Variants in PRICKLE1 observed in about 807,000 individuals in gnomAD.
PRICKLE1 encodes the protein prickle-like protein 1.
In PRICKLE1, 14 loss-of-function variants were observed where a neutral mutation model predicts 70.2. That is an observed-to-expected ratio of 0.20 (90% CI 0.13 to 0.31). The LOEUF is 0.31. Among genes scored for constraint, PRICKLE1 ranks in the 10% least tolerant of loss-of-function variants. The pLI is 1.00. For synonymous variants in PRICKLE1, 357 were observed against 379.9 expected (o/e 0.94, Z 0.70); for missense variants, 821 against 1,026.2 (o/e 0.80, Z 2.73).
At chr12:42,560,227 C>T (rs1309325664) in intron 1 of PRICKLE1, among the ~76,000 whole-genome samples, 4 of 151,504 alleles carry the variant, frequency 2.6e-5, no homozygotes, top group Non-Finnish European at 5.9e-5. Context: ...ACCTCCATCT[C>T]TCAGGTTCAA....
intron 1 of PRICKLE1, among the ~76,000 whole-genome samples, chr12:42,489,173 T>G (rs1939044379): frequency 6.6e-6 from 1 of 151,412 alleles, no homozygotes. Context: ...TCTGCCCACC[T>G]CGGCCTCCCA....
chr12:42,583,159 G>A (rs1940931410), intron 1 of PRICKLE1, among the ~76,000 whole-genome samples: 2 of 151,908 alleles, frequency 1.3e-5, no homozygotes, highest in Non-Finnish European at 2.9e-5. Context: ...GTGTGTGTGT[G>A]TGTGTGTGTG....
rs756303597 is a variant in PRICKLE1, at chr12:42,458,950, T to C, written c.*859A>G. 94 of 253,918 alleles carry C rather than the reference T, an allele frequency of 3.7e-4. 1 individual carries two copies. The highest frequency in any genetic ancestry group is 2.9e-3 in the Middle Eastern group (2 of 678). The allele number at this position is 253,918 out of a possible 1,614,324, so 15.7% of individuals were successfully genotyped here. On this transcript the variant is annotated 3_prime_UTR_variant, in exon 8 of 8. Transcript: ENST00000345127. ...AGTACTTACATAGCCCCACCATGCA[T>C]ACAGAGCCTTTTTTAATATTGGAAA... is the stretch of plus-strand genomic sequence containing the variant.
intron 1 of PRICKLE1, among the ~76,000 whole-genome samples, chr12:42,588,519 T>A (rs1941020713): frequency 6.6e-6 from 1 of 152,098 alleles, no homozygotes; most frequent in African/African-American, 2.4e-5. Flanking sequence ...TGGTGCTTTT[T>A]TTTTTTCCTT....
intron 1 of PRICKLE1, among the ~76,000 whole-genome samples, chr12:42,571,272 T>C (rs1271827852): frequency 6.6e-6 from 1 of 152,188 alleles, no homozygotes; most frequent in African/African-American, 2.4e-5. Flanking sequence ...TGGACTGCTG[T>C]ATATCATAGA....
At chr12:42,582,819 C>T (rs1566136097) in intron 1 of PRICKLE1, among the ~76,000 whole-genome samples, 2 of 151,568 alleles carry the variant, frequency 1.3e-5, no homozygotes, top group Non-Finnish European at 2.9e-5. Flanking sequence ...TGTGTGATTT[C>T]TTTTTTTTAT....
At chr12:42,528,842 G>T (rs140494346) in intron 1 of PRICKLE1, among the ~76,000 whole-genome samples, 288 of 152,202 alleles carry the variant, frequency 1.9e-3, no homozygotes, top group African/African-American at 6.6e-3. Flanking sequence ...ACATGTAAAT[G>T]AACTGTACCA....
chr12:42,583,434 T>G (rs1940936613), intron 1 of PRICKLE1, among the ~76,000 whole-genome samples: 1 of 152,156 alleles, frequency 6.6e-6, no homozygotes, highest in Admixed American at 6.5e-5. Context: ...TAAAGGGGAT[T>G]TAAGGGAAAA....
intron 1 of PRICKLE1, among the ~76,000 whole-genome samples, chr12:42,543,586 G>C (rs944566677): frequency 6.6e-6 from 1 of 151,994 alleles, no homozygotes; most frequent in African/African-American, 2.4e-5. Flanking sequence ...GCAGTGGCGC[G>C]ATCTTGGCTC....
intron 1 of PRICKLE1, among the ~76,000 whole-genome samples, chr12:42,580,061 G>A (rs780682541): frequency 2.0e-5 from 3 of 151,836 alleles, no homozygotes; most frequent in Non-Finnish European, 4.4e-5. Context: ...TTTTAGTAGA[G>A]GCAGGGTTTC....
At position 42,465,194 on chromosome 12, in the gene PRICKLE1, A is replaced by G; in HGVS notation, c.840T>C (p.Ser280=). 3 of 1,611,198 alleles carry G rather than the reference A, an allele frequency of 1.9e-6. No individual in the cohort carries two copies. ...QHWHATEACF[S]CAQCKASLLG... ...ACAAAGAGGCTTTACACTGGGCACA[A>G]GAAAAGCAGGCTTCCGTGGCGTGCC... The change falls in exon 7 of 8, where the codon TCT becomes TCC. Residue 280 remains serine (S), a synonymous_variant. Coordinates refer to ENST00000345127, the MANE Select transcript of PRICKLE1 (RefSeq NM_153026.3).
At chr12:42,532,694 G>A (rs1230898602) in intron 1 of PRICKLE1, among the ~76,000 whole-genome samples, 3 of 151,966 alleles carry the variant, frequency 2.0e-5, no homozygotes, top group African/African-American at 4.8e-5. Context: ...TCAGGAGATC[G>A]AGACCATCCT....
chr12:42,539,125 C>A (rs544178242), intron 1 of PRICKLE1, among the ~76,000 whole-genome samples: 2 of 152,078 alleles, frequency 1.3e-5, no homozygotes, highest in African/African-American at 4.8e-5. Flanking sequence ...AAAACTTGAA[C>A]GTCAAAGTTC....
chr12:42,488,889 C>G (rs114358212), intron 1 of PRICKLE1, among the ~76,000 whole-genome samples: 5,429 of 148,944 alleles, frequency 0.036, 340 homozygotes, highest in African/African-American at 0.13. Context: ...TATATTTTCA[C>G]ATTATATGTA....
intron 1 of PRICKLE1, among the ~76,000 whole-genome samples, chr12:42,568,191 T>G (rs1745197278): frequency 6.6e-6 from 1 of 152,258 alleles, no homozygotes; most frequent in African/African-American, 2.4e-5. Flanking sequence ...TATGTATTTT[T>G]TGAGATGGGG....
intron 1 of PRICKLE1, among the ~76,000 whole-genome samples, chr12:42,528,560 C>T (rs188979054): frequency 6.6e-6 from 1 of 152,234 alleles, no homozygotes; most frequent in African/African-American, 2.4e-5. Flanking sequence ...CATAATAAAA[C>T]ATTATTGCTT....
chr12:42,467,388 T>G (rs1263906329), intron 5 of PRICKLE1, among the ~76,000 whole-genome samples: 1 of 152,110 alleles, frequency 6.6e-6, no homozygotes, highest in African/African-American at 2.4e-5. Flanking sequence ...GTGCTGGGAT[T>G]ACAGGCGTGA....
At chr12:42,487,259 C>T (rs912551458) in intron 1 of PRICKLE1, among the ~76,000 whole-genome samples, 1 of 152,188 alleles carries the variant, frequency 6.6e-6, no homozygotes, top group Non-Finnish European at 1.5e-5. Flanking sequence ...GGTCATTGAA[C>T]ATTTGCAAAT....
At chr12:42,582,766 C>T (rs962088177) in intron 1 of PRICKLE1, among the ~76,000 whole-genome samples, 2 of 152,178 alleles carry the variant, frequency 1.3e-5, no homozygotes, top group African/African-American at 2.4e-5. Context: ...TGGTCCAACA[C>T]AGATTTGTAA....
Sources: allele counts gnomAD v4.1 joint callset (sites outside exome capture counted in the v4.1 genomes callset), GRCh38; gene constraint gnomAD v4.1.1; transcripts MANE v1.5; gene names NCBI Gene and HGNC (gene_info 2026-07-23, HGNC 2026-07-21).